Variants in TAFA1 observed in about 807,000 individuals in gnomAD.
The protein encoded by TAFA1 is TAFA chemokine like family member 1.
Under a neutral mutation model 18.5 loss-of-function variants are expected in TAFA1, and 4 were observed. That is an observed-to-expected ratio of 0.22 (90% CI 0.11 to 0.49). TAFA1 has a LOEUF of 0.49. Ranked by LOEUF, TAFA1 falls within the 20% of genes least tolerant of loss-of-function variation. The pLI is 0.98. For synonymous variants in TAFA1, 56 were observed against 55.2 expected (o/e 1.01, Z -0.06); for missense variants, 147 against 169.0 (o/e 0.87, Z 0.72).
chr3:68,093,746 C>G (rs1293699022), intron 2 of TAFA1, among the ~76,000 whole-genome samples: 1 of 140,444 alleles, frequency 7.1e-6, no homozygotes, highest in Non-Finnish European at 1.6e-5. Flanking sequence ...TTATTACTCC[C>G]CCTGAGGATT....
intron 2 of TAFA1, among the ~76,000 whole-genome samples, chr3:68,322,666 G>A (rs1022984067): frequency 1.3e-5 from 2 of 152,110 alleles, no homozygotes; most frequent in South Asian, 2.1e-4. Flanking sequence ...TAATAGTCAG[G>A]GGCCGGGCGC....
At chr3:68,329,494 A>G (rs2068829551) in intron 2 of TAFA1, among the ~76,000 whole-genome samples, 1 of 152,076 alleles carries the variant, frequency 6.6e-6, no homozygotes, top group Admixed American at 6.6e-5. Context: ...GTCTTTACTC[A>G]GTGTGGTGAT....
At chr3:68,319,247 A>C (rs549512631) in intron 2 of TAFA1, among the ~76,000 whole-genome samples, 2 of 152,368 alleles carry the variant, frequency 1.3e-5, no homozygotes, top group South Asian at 4.1e-4. Context: ...CTTCAAACAA[A>C]ATAGAGAACA....
chr3:68,350,374 A>G (rs1386529108), intron 2 of TAFA1, among the ~76,000 whole-genome samples: 2 of 152,170 alleles, frequency 1.3e-5, no homozygotes, highest in South Asian at 4.1e-4. Context: ...TCTTATTTAA[A>G]TATCTTCTAA....
intron 2 of TAFA1, among the ~76,000 whole-genome samples, chr3:68,335,656 A>G (rs1339729683): frequency 6.6e-6 from 1 of 152,214 alleles, no homozygotes; most frequent in Non-Finnish European, 1.5e-5. Flanking sequence ...TAATGGTATC[A>G]GACACATATA....
chr3:68,315,469 T>C (rs1421825449), intron 2 of TAFA1, among the ~76,000 whole-genome samples: 4 of 152,138 alleles, frequency 2.6e-5, no homozygotes, highest in African/African-American at 7.2e-5. Context: ...TTTCCCCACC[T>C]TCACACCCTA....
intron 2 of TAFA1, among the ~76,000 whole-genome samples, chr3:68,109,838 G>A (rs1039001351): frequency 3.3e-5 from 5 of 152,138 alleles, no homozygotes; most frequent in Non-Finnish European, 7.4e-5. Flanking sequence ...TTGAGTACCA[G>A]AATAAGAAGT....
chr3:68,479,241 A>AAT (rs397989986), intron 3 of TAFA1, among the ~76,000 whole-genome samples: 2,754 of 123,502 alleles, frequency 0.022, 52 homozygotes, highest in South Asian at 0.055. Context: ...AAAAAAAAAA[A>AAT]ATATATATAT....
At chr3:68,298,792 C>A (rs2068255674) in intron 2 of TAFA1, among the ~76,000 whole-genome samples, 2 of 152,206 alleles carry the variant, frequency 1.3e-5, no homozygotes, top group African/African-American at 2.4e-5. Flanking sequence ...GCCTCCCCAG[C>A]CATGCTGAAC....
intron 2 of TAFA1, among the ~76,000 whole-genome samples, chr3:68,181,236 C>T (rs553794075): frequency 6.6e-6 from 1 of 152,192 alleles, no homozygotes; most frequent in East Asian, 1.9e-4. Context: ...TAGTGGGGAC[C>T]CAGCCAAATT....
intron 2 of TAFA1, among the ~76,000 whole-genome samples, chr3:68,220,953 C>A (rs530266300): frequency 1.1e-3 from 171 of 152,104 alleles, no homozygotes; most frequent in Non-Finnish European, 1.5e-3. Flanking sequence ...CAAGACCTGG[C>A]TGAACTGGGT....
intron 3 of TAFA1, among the ~76,000 whole-genome samples, chr3:68,449,872 A>G (rs369042137): frequency 6.6e-6 from 1 of 152,224 alleles, no homozygotes; most frequent in Non-Finnish European, 1.5e-5. Flanking sequence ...CAAAAGGTCT[A>G]CATGCTTCAA....
intron 2 of TAFA1, among the ~76,000 whole-genome samples, chr3:68,376,416 C>A (rs990352917): frequency 1.3e-5 from 2 of 152,024 alleles, no homozygotes; most frequent in Admixed American, 6.6e-5. Context: ...CACCATCTAC[C>A]CTCAAGTAGG....
intron 2 of TAFA1, among the ~76,000 whole-genome samples, chr3:68,171,086 A>G (rs1318066788): frequency 6.6e-6 from 1 of 152,198 alleles, no homozygotes. Flanking sequence ...CATGGCAAGG[A>G]GGAATTCAGG....
intron 2 of TAFA1, among the ~76,000 whole-genome samples, chr3:68,028,738 C>G (rs1035164146): frequency 1.0e-5 from 1 of 100,436 alleles, no homozygotes; most frequent in African/African-American, 3.4e-5. Flanking sequence ...CAGCCTCACT[C>G]TTTTTTTTTA....
intron 2 of TAFA1, among the ~76,000 whole-genome samples, chr3:68,052,277 G>C (rs542354089): frequency 6.6e-6 from 1 of 152,052 alleles, no homozygotes; most frequent in Non-Finnish European, 1.5e-5. Flanking sequence ...ATTTGCTAGA[G>C]AATTTTTATT....
At chr3:68,201,166 C>T (rs182442248) in intron 2 of TAFA1, among the ~76,000 whole-genome samples, 18 of 151,698 alleles carry the variant, frequency 1.2e-4, no homozygotes, top group African/African-American at 4.1e-4. Context: ...ATTGTTTAAT[C>T]TCCATGTATT....
At chr3:68,488,803 A>G (rs974284058) in intron 3 of TAFA1, among the ~76,000 whole-genome samples, 1 of 151,994 alleles carries the variant, frequency 6.6e-6, no homozygotes, top group African/African-American at 2.4e-5. Flanking sequence ...GTGTTGATTG[A>G]TTGTGTTATT....
chr3:68,121,249 ATGTGTGTGTGTGTGTGTGTG>A (rs67968765), intron 2 of TAFA1, among the ~76,000 whole-genome samples: 1 of 147,964 alleles, frequency 6.8e-6, no homozygotes, highest in South Asian at 2.1e-4. Flanking sequence ...ATGTACATTA[ATGTGTGTGTGTGTGTGTGTG>A]TGTGTGTGTG....
Sources: allele counts gnomAD v4.1 joint callset (sites outside exome capture counted in the v4.1 genomes callset), GRCh38; gene constraint gnomAD v4.1.1; transcripts MANE v1.5; gene names NCBI Gene and HGNC (gene_info 2026-07-23, HGNC 2026-07-21).